The following DKK2 variants were observed in gnomAD, a reference collection of about 807,000 sequenced individuals.
The protein encoded by DKK2 is dickkopf-related protein 2.
A neutral mutation model predicts 28.1 loss-of-function variants in DKK2; 11 were observed. That is an observed-to-expected ratio of 0.39 (90% CI 0.25 to 0.65). The LOEUF (loss-of-function observed/expected upper bound fraction) is 0.65, where lower values mean the gene tolerates loss of function less well. DKK2 is among the 30% of genes least tolerant of loss of function. The probability of loss-of-function intolerance (pLI) is 0.47; values close to 1 mark genes in which losing one functional copy is unlikely to be tolerated. For missense variants in DKK2, 326 were observed against 335.5 expected (o/e 0.97, Z 0.22); for synonymous variants, 135 against 126.5 (o/e 1.07, Z -0.45).
chr4:106,961,798 G>C (rs141211071), intron 1 of DKK2, among the ~76,000 whole-genome samples: 311 of 152,226 alleles, frequency 2.0e-3, no homozygotes, highest in Non-Finnish European at 3.7e-3. Context: ...CTTTGGGCAA[G>C]TTACCGCACC....
At chr4:106,938,991 C>T (rs1168195534) in intron 1 of DKK2, among the ~76,000 whole-genome samples, 1 of 151,672 alleles carries the variant, frequency 6.6e-6, no homozygotes, top group African/African-American at 2.4e-5. Context: ...TATGACAAAC[C>T]CACAGCCAAT....
intron 1 of DKK2, among the ~76,000 whole-genome samples, chr4:106,976,707 G>C (rs1293839856): frequency 1.3e-5 from 2 of 152,094 alleles, no homozygotes; most frequent in Non-Finnish European, 2.9e-5. Context: ...GCCAGTCTGT[G>C]TTTTTTAATT....
chr4:106,968,612 CT>C (rs397833146), intron 1 of DKK2, among the ~76,000 whole-genome samples: 1 of 128,586 alleles, frequency 7.8e-6, no homozygotes, highest in Middle Eastern at 3.8e-3. Context: ...ATTATATTTA[CT>C]TTTAAGTAAA....
At chr4:106,935,890 C>T (rs1024204645) in intron 1 of DKK2, among the ~76,000 whole-genome samples, 1 of 152,140 alleles carries the variant, frequency 6.6e-6, no homozygotes, top group Non-Finnish European at 1.5e-5. Flanking sequence ...TTCCAACAGA[C>T]CTGCAGCTGA....
intron 1 of DKK2, among the ~76,000 whole-genome samples, chr4:106,973,640 T>C (rs1722901451): frequency 6.6e-6 from 1 of 152,226 alleles, no homozygotes; most frequent in African/African-American, 2.4e-5. Context: ...ATTAGCCCTT[T>C]GTCAGACAGA....
intron 1 of DKK2, among the ~76,000 whole-genome samples, chr4:106,942,466 A>T (rs991383317): frequency 6.6e-6 from 1 of 152,064 alleles, no homozygotes. Flanking sequence ...CTTATTCATT[A>T]CTCAGGATCC....
intron 1 of DKK2, among the ~76,000 whole-genome samples, chr4:107,009,518 G>T (rs1449553904): frequency 2.0e-5 from 3 of 151,798 alleles, no homozygotes; most frequent in African/African-American, 7.3e-5. Flanking sequence ...TCTGCAGCTG[G>T]GAGGGTGAGG....
chr4:106,996,621 G>A (rs996983871), intron 1 of DKK2, among the ~76,000 whole-genome samples: 3 of 152,142 alleles, frequency 2.0e-5, no homozygotes, highest in Non-Finnish European at 4.4e-5. Flanking sequence ...GATTTCCATA[G>A]TTCCCTCGGT....
chr4:106,993,751 CATTGCTTTGATT>C (rs1176147307), intron 1 of DKK2, among the ~76,000 whole-genome samples: 1 of 152,156 alleles, frequency 6.6e-6, no homozygotes, highest in Non-Finnish European at 1.5e-5. Context: ...TTCCCAAATT[CATTGCTTTGATT>C]ATGAATGTTG....
intron 1 of DKK2, among the ~76,000 whole-genome samples, chr4:106,959,682 A>G (rs1399381996): frequency 1.3e-5 from 2 of 152,120 alleles, no homozygotes; most frequent in African/African-American, 2.4e-5. Flanking sequence ...TTGGAAAAAT[A>G]AAAGATATTG....
chr4:106,967,551 T>C (rs1455506038), intron 1 of DKK2, among the ~76,000 whole-genome samples: 1 of 152,110 alleles, frequency 6.6e-6, no homozygotes, highest in Non-Finnish European at 1.5e-5. Context: ...GTTCCAGAGA[T>C]TGGCCTTTGC....
chr4:106,961,820 C>G (rs1722689299), intron 1 of DKK2, among the ~76,000 whole-genome samples: 1 of 152,118 alleles, frequency 6.6e-6, no homozygotes, highest in Non-Finnish European at 1.5e-5. Flanking sequence ...CTCTGTGCAT[C>G]TGTAAAATCT....
intron 1 of DKK2, among the ~76,000 whole-genome samples, chr4:106,932,775 G>T (rs1432322814): frequency 6.6e-6 from 1 of 152,076 alleles, no homozygotes; most frequent in Non-Finnish European, 1.5e-5. Flanking sequence ...CAATCTTAAG[G>T]TCTCTTCCAA....
chr4:106,925,855 T>G lies in DKK2; in HGVS notation c.317A>C (p.Lys106Thr). The G allele has an allele frequency of 6.2e-7, 1 of 1,613,314 alleles. No homozygotes were observed. The highest frequency in any genetic ancestry group is 1.3e-5 in the African/African-American group (1 of 74,852). Residue 106 changes from lysine to threonine, a missense_variant, in exon 2 of 4, where the codon AAA becomes ACA. Transcript: ENST00000285311. The part of the protein sequence containing the change: ...GSSACMVCRR[K>T]KKRCHRDGMC... Reference sequence around the variant, plus strand: ...GCCATCTCGGTGGCAGCGCTTCTTTTTTCTCCGACACACCATGCAGGCCGA... The same window carrying G: ...GCCATCTCGGTGGCAGCGCTTCTTTGTTCTCCGACACACCATGCAGGCCGA...
intron 1 of DKK2, among the ~76,000 whole-genome samples, chr4:107,013,477 C>T (rs1047895237): frequency 1.3e-5 from 2 of 151,326 alleles, no homozygotes; most frequent in African/African-American, 2.4e-5. Context: ...GCTGGGAAAA[C>T]TGGATATACA....
intron 1 of DKK2, among the ~76,000 whole-genome samples, chr4:106,936,982 G>A (rs1032339535): frequency 5.3e-5 from 8 of 152,112 alleles, no homozygotes; most frequent in African/African-American, 1.9e-4. Context: ...AACATGGAAA[G>A]GAACAACAGG....
chr4:106,956,873 A>G (rs1456542964), intron 1 of DKK2, among the ~76,000 whole-genome samples: 3 of 151,086 alleles, frequency 2.0e-5, no homozygotes, highest in Non-Finnish European at 3.0e-5. Context: ...CACCAAAAGC[A>G]ATGGCAACAA....
At chr4:107,020,385 G>A (rs1423214835) in intron 1 of DKK2, among the ~76,000 whole-genome samples, 1 of 152,050 alleles carries the variant, frequency 6.6e-6, no homozygotes, top group Admixed American at 6.6e-5. Context: ...GTGATGGGAA[G>A]ACAGCAGCAG....
At chr4:106,991,206 T>C (rs557165063) in intron 1 of DKK2, among the ~76,000 whole-genome samples, 1 of 152,346 alleles carries the variant, frequency 6.6e-6, no homozygotes, top group South Asian at 2.1e-4. Flanking sequence ...GATAAAATGT[T>C]GCTCCAGTTA....
Sources: allele counts gnomAD v4.1 joint callset (sites outside exome capture counted in the v4.1 genomes callset), GRCh38; gene constraint gnomAD v4.1.1; transcripts MANE v1.5; gene names NCBI Gene and HGNC (gene_info 2026-07-23, HGNC 2026-07-21).